The following FLRT2 variants were observed in gnomAD, a reference collection of about 807,000 sequenced individuals.
The protein encoded by FLRT2 is fibronectin leucine rich transmembrane protein 2.
FLRT2 carries 15 observed loss-of-function variants against 40.0 expected under a neutral mutation model. The observed-to-expected ratio is 0.38, with a 90% confidence interval of 0.25 to 0.58. FLRT2 has a LOEUF of 0.58. FLRT2 is among the 20% of genes least tolerant of loss of function. The probability of loss-of-function intolerance (pLI) is 0.71; values close to 1 mark genes in which losing one functional copy is unlikely to be tolerated. For missense variants in FLRT2, 726 were observed against 840.0 expected, an observed-to-expected ratio of 0.86 and a Z score of 1.68; for synonymous variants, 380 against 336.8, an observed-to-expected ratio of 1.13 and a Z score of -1.41.
At chr14:85,601,864 A>T (rs1236805775) in intron 1 of FLRT2, among the ~76,000 whole-genome samples, 2 of 152,152 alleles carry the variant, frequency 1.3e-5, no homozygotes, top group Non-Finnish European at 2.9e-5. Context: ...TGTCTGACAT[A>T]CTCAGCTCAA....
chr14:85,589,812 T>C (rs566998026), intron 1 of FLRT2, among the ~76,000 whole-genome samples: 1 of 152,310 alleles, frequency 6.6e-6, no homozygotes, highest in Non-Finnish European at 1.5e-5. Flanking sequence ...AGGTCTATTT[T>C]CACTCTTCTG....
At position 85,643,378 on chromosome 14, in the gene FLRT2, T is replaced by TTCCTTCCTTCCTTACCTTTCCTTTC. The variant is rs1555373585; in HGVS notation, c.*19881_*19882insTCCTTCCTTCCTTACCTTTCCTTTC. ...TTCTTCCTTCCTTCCTTCCTTCCTT[T>TTCCTTCCTTCCTTACCTTTCCTTTC]CTTTCCTTTCTCCTTTTTCTTTTTT... On this transcript the variant is annotated 3_prime_UTR_variant, in exon 2 of 2. Transcript: ENST00000330753. The TTCCTTCCTTCCTTACCTTTCCTTTC allele has an allele frequency of 1.0e-5, 1 of 99,826 alleles. No homozygotes were observed. The highest frequency in any genetic ancestry group is 1.0e-4 in the Admixed American group (1 of 9,850). 6.2% of individuals were successfully genotyped at this position (99,826 alleles called of 1,614,324 possible). A position where few individuals can be genotyped will look rare whatever the true frequency, so the allele number is the denominator to read the frequency against.
intron 1 of FLRT2, among the ~76,000 whole-genome samples, chr14:85,619,505 G>A (rs1199672711): frequency 1.3e-5 from 2 of 152,020 alleles, no homozygotes; most frequent in African/African-American, 4.8e-5. Context: ...ACCTTTTCTG[G>A]TCATCGAAGG....
intron 1 of FLRT2, among the ~76,000 whole-genome samples, chr14:85,551,267 A>G (rs1055802916): frequency 1.3e-5 from 2 of 152,156 alleles, no homozygotes; most frequent in Non-Finnish European, 2.9e-5. Flanking sequence ...ATGGAGGAGC[A>G]GTGATTGGTA....
At chr14:85,598,103 C>CT (rs1346314716) in intron 1 of FLRT2, among the ~76,000 whole-genome samples, 1 of 152,158 alleles carries the variant, frequency 6.6e-6, no homozygotes, top group Non-Finnish European at 1.5e-5. Context: ...TAGACACATC[C>CT]CACATCTAAT....
At chr14:85,532,971 G>A (rs1262621702) in intron 1 of FLRT2, among the ~76,000 whole-genome samples, 1 of 152,198 alleles carries the variant, frequency 6.6e-6, no homozygotes, top group Non-Finnish European at 1.5e-5. Flanking sequence ...CATGTGCCGG[G>A]TAGATAGAGA....
intron 1 of FLRT2, among the ~76,000 whole-genome samples, chr14:85,599,205 C>T (rs1227303589): frequency 1.4e-5 from 2 of 140,606 alleles, no homozygotes; most frequent in African/African-American, 2.7e-5. Context: ...CAGGCGTGAG[C>T]CGCTGCGCCT....
Position 85,623,536 on chromosome 14 carries a change from C to T in FLRT2, c.*39C>T. ...AGCGTTATCAAGGCGGACAATTAGA[C>T]TCTTGAGAACACACTCGTGTGTGCA... On this transcript the variant is annotated 3_prime_UTR_variant, in exon 2 of 2. Coordinates refer to ENST00000330753, the MANE Select transcript of FLRT2 (RefSeq NM_013231.6). 7.2e-7 allele frequency: 1 copy of T among 1,392,564 alleles called. No homozygotes were observed. The highest frequency in any genetic ancestry group is 9.4e-7 in the Non-Finnish European group (1 of 1,065,054). The allele number at this position is 1,392,564 out of a possible 1,614,324, so 86.3% of individuals were successfully genotyped here. A position where few individuals can be genotyped will look rare whatever the true frequency, so the allele number is the denominator to read the frequency against.
intron 1 of FLRT2, among the ~76,000 whole-genome samples, chr14:85,569,619 G>T (rs1282948689): frequency 1.3e-5 from 2 of 152,226 alleles, no homozygotes; most frequent in Admixed American, 6.5e-5. Context: ...GTCACAGTGA[G>T]GAATGCGCTG....
chr14:85,531,101 C>T (rs1474600058), intron 1 of FLRT2: 1 of 152,330 alleles, frequency 6.6e-6, no homozygotes, highest in Non-Finnish European at 1.5e-5. Flanking sequence ...AAACCAAGTC[C>T]CTTCCAGCCC....
intron 1 of FLRT2, among the ~76,000 whole-genome samples, chr14:85,568,421 C>G (rs531181349): frequency 6.6e-6 from 1 of 152,006 alleles, no homozygotes; most frequent in African/African-American, 2.4e-5. Context: ...ATGTGTAAGG[C>G]GTTAATACCA....
At chr14:85,547,794 G>T (rs1229428491) in intron 1 of FLRT2, among the ~76,000 whole-genome samples, 1 of 152,164 alleles carries the variant, frequency 6.6e-6, no homozygotes, top group South Asian at 2.1e-4. Context: ...GCACAGCTTG[G>T]TTTGTGTACA....
intron 1 of FLRT2, among the ~76,000 whole-genome samples, chr14:85,556,240 T>G (rs1331101980): frequency 1.3e-5 from 2 of 152,140 alleles, no homozygotes; most frequent in African/African-American, 4.8e-5. Context: ...AAAATAAGCT[T>G]ATAGGGGTAT....
intron 1 of FLRT2, among the ~76,000 whole-genome samples, chr14:85,547,599 G>A (rs1889355444): frequency 6.6e-6 from 1 of 152,176 alleles, no homozygotes; most frequent in South Asian, 2.1e-4. Context: ...TGGGATTATA[G>A]GCTTGAGCCA....
In FLRT2 at chr14:85,629,632, T is replaced by C. The variant is rs1434370207; in HGVS notation, c.*6135T>C. ...AGTCTATAGCTACAAATCCTGTAAA[T>C]GGCAGAGTCAGGAATTACCACTGAG... On this transcript the variant is annotated 3_prime_UTR_variant, in exon 2 of 2. Transcript: ENST00000330753. The C allele has an allele frequency of 2.0e-5, 3 of 152,198 alleles. No homozygotes were observed. The highest frequency in any genetic ancestry group is 2.1e-4 in the South Asian group (1 of 4,828). 9.4% of individuals were successfully genotyped at this position (152,198 alleles called of 1,614,324 possible).
chr14:85,554,002 C>T (rs2057116), intron 1 of FLRT2, among the ~76,000 whole-genome samples: 97,199 of 151,988 alleles, frequency 0.64, 34,786 homozygotes, highest in Non-Finnish European at 0.81. Flanking sequence ...AGGGTTTACA[C>T]TGGAAAGAAA....
At chr14:85,567,712 C>T (rs1054814393) in intron 1 of FLRT2, among the ~76,000 whole-genome samples, 1 of 142,902 alleles carries the variant, frequency 7.0e-6, no homozygotes, top group African/African-American at 2.6e-5. Context: ...ACGATCTCTA[C>T]TCACTGCAAC....
At chr14:85,569,229 C>G (rs1165954045) in intron 1 of FLRT2, among the ~76,000 whole-genome samples, 5 of 152,204 alleles carry the variant, frequency 3.3e-5, no homozygotes, top group Non-Finnish European at 7.3e-5. Context: ...AGGAATCTGC[C>G]TGAAGCAGCT....
intron 1 of FLRT2, among the ~76,000 whole-genome samples, chr14:85,531,544 G>A (rs1888278592): frequency 6.6e-6 from 1 of 152,118 alleles, no homozygotes; most frequent in African/African-American, 2.4e-5. Flanking sequence ...TAACTGGGAC[G>A]GGCTGGACCC....
Sources: allele counts gnomAD v4.1 joint callset (sites outside exome capture counted in the v4.1 genomes callset), GRCh38; gene constraint gnomAD v4.1.1; transcripts MANE v1.5; gene names NCBI Gene and HGNC (gene_info 2026-07-23, HGNC 2026-07-21).